RAP1GAP2: variants seen among roughly 807,000 people sequenced by gnomAD.
The protein encoded by RAP1GAP2 is RAP1 GTPase activating protein 2.
In RAP1GAP2, 27 loss-of-function variants were observed where a neutral mutation model predicts 95.0. The observed-to-expected ratio is 0.28, with a 90% CI of 0.21 to 0.39. The LOEUF is 0.39. Among genes scored for constraint, RAP1GAP2 ranks in the 10% least tolerant of loss-of-function variants. RAP1GAP2 has a pLI of 1.00. For missense variants in RAP1GAP2, 771 were observed against 970.0 expected, an observed-to-expected ratio of 0.79 and a Z score of 2.72; for synonymous variants, 373 against 380.9, an observed-to-expected ratio of 0.98 and a Z score of 0.24.
chr17:2,872,288 G>A (rs1040874054), intron 2 of RAP1GAP2, among the ~76,000 whole-genome samples: 1 of 147,076 alleles, frequency 6.8e-6, no homozygotes, highest in Admixed American at 6.8e-5. Flanking sequence ...AGAAAGACGA[G>A]TTCTCCAAAA....
At chr17:2,765,205 G>A (rs1176557250) in intron 1 of RAP1GAP2, among the ~76,000 whole-genome samples, 8 of 152,142 alleles carry the variant, frequency 5.3e-5, no homozygotes, top group Admixed American at 3.3e-4. Context: ...AGATGGCTCC[G>A]CAGCCAGCCA....
At chr17:2,907,126 G>A (rs994330067) in intron 3 of RAP1GAP2, among the ~76,000 whole-genome samples, 1 of 152,162 alleles carries the variant, frequency 6.6e-6, no homozygotes, top group Non-Finnish European at 1.5e-5. Context: ...AAAGTCCCAG[G>A]GAAGAAGCTC....
chr17:2,800,372 C>T (rs1045466801), intron 1 of RAP1GAP2, 143 bp from the exon 2 acceptor site: 45 of 1,273,644 alleles, frequency 3.5e-5, no homozygotes, highest in Non-Finnish European at 4.4e-5. Flanking sequence ...CCCCTGCTAG[C>T]GGAGAACTGG....
At chr17:2,951,516 C>T (rs530945002) in intron 3 of RAP1GAP2, among the ~76,000 whole-genome samples, 1 of 151,950 alleles carries the variant, frequency 6.6e-6, no homozygotes, top group African/African-American at 2.4e-5. Context: ...CTCAGGAGTT[C>T]AAAACCAGCC....
chr17:2,774,353 G>T (rs966831921), upstream of RAP1GAP2, among the ~76,000 whole-genome samples: 2 of 152,108 alleles, frequency 1.3e-5, no homozygotes, highest in African/African-American at 4.8e-5. Flanking sequence ...GGCATGGATT[G>T]AATGCCGTTC....
At chr17:2,851,726 C>T (rs1263838134) in intron 2 of RAP1GAP2, among the ~76,000 whole-genome samples, 4 of 152,182 alleles carry the variant, frequency 2.6e-5, no homozygotes, top group Non-Finnish European at 4.4e-5. Flanking sequence ...GTGCCTTCAT[C>T]ATCCCAATTC....
chr17:2,845,136 T>G (rs2151579519), intron 2 of RAP1GAP2, among the ~76,000 whole-genome samples: 1 of 152,256 alleles, frequency 6.6e-6, no homozygotes, highest in Non-Finnish European at 1.5e-5. Flanking sequence ...TGCCTCAGTC[T>G]TTTTTTGTTG....
At chr17:2,846,945 A>C (rs1194303068) in intron 2 of RAP1GAP2, among the ~76,000 whole-genome samples, 1 of 150,856 alleles carries the variant, frequency 6.6e-6, no homozygotes, top group Non-Finnish European at 1.5e-5. Flanking sequence ...GTTGATAATA[A>C]TGGTAGTGTT....
intron 22 of RAP1GAP2, among the ~76,000 whole-genome samples, chr17:3,028,611 C>A (rs751316691): frequency 3.3e-5 from 5 of 152,128 alleles, no homozygotes; most frequent in African/African-American, 4.8e-5. Context: ...AAGGGAAGAT[C>A]GTGATTCCAC....
chr17:2,800,331 C>G, intron 1 of RAP1GAP2, 184 bp from the exon 2 acceptor site: 1 of 782,846 alleles, frequency 1.3e-6, no homozygotes, highest in African/African-American at 1.9e-5. Flanking sequence ...GTGTGTGGCC[C>G]CAGCTCTCCC....
intron 2 of RAP1GAP2, among the ~76,000 whole-genome samples, chr17:2,837,768 G>A (rs994366446): frequency 6.6e-6 from 1 of 151,192 alleles, no homozygotes; most frequent in Non-Finnish European, 1.5e-5. Flanking sequence ...CACCATGTCC[G>A]GCTATTTTTT....
At chr17:2,957,681 A>G in intron 3 of RAP1GAP2, 78 bp from the exon 4 acceptor site, 1 of 1,430,954 alleles carries the variant, frequency 7.0e-7, no homozygotes, top group Non-Finnish European at 9.6e-7. Flanking sequence ...GCTTCCTGAT[A>G]GTTGGTGAGG....
At chr17:2,770,848 C>T (rs2068376717) in intron 2 of RAP1GAP2, among the ~76,000 whole-genome samples, 1 of 152,054 alleles carries the variant, frequency 6.6e-6, no homozygotes, top group East Asian at 1.9e-4. Flanking sequence ...CAAGAGCAGC[C>T]TGGCCAACAT....
In RAP1GAP2 at chr17:3,035,971, G is replaced by A. The variant is rs775018084; in HGVS notation, c.*2610G>A. On this transcript the variant is annotated 3_prime_UTR_variant, in exon 25 of 25. Transcript: ENST00000254695. The surrounding 1 kb of genome is among the most constrained non-coding windows in gnomAD (Gnocchi z 4.3). ...GAGGCATTTCCACTGTGATCTCCACGAGGGGATGTTTTCCGGGACACATCT... is the reference window on the plus strand; with the variant it reads ...GAGGCATTTCCACTGTGATCTCCACAAGGGGATGTTTTCCGGGACACATCT... The A allele has an allele frequency of 9.2e-5, 14 of 152,244 alleles. No individual in the cohort carries two copies. The highest frequency in any genetic ancestry group is 1.9e-4 in the Non-Finnish European group (13 of 68,064). The allele number at this position is 152,244 out of a possible 1,614,324, so 9.4% of individuals were successfully genotyped here.
chr17:2,805,869 A>G (rs2069495019), intron 2 of RAP1GAP2, among the ~76,000 whole-genome samples: 1 of 152,144 alleles, frequency 6.6e-6, no homozygotes, highest in South Asian at 2.1e-4. Flanking sequence ...TGAATGGTTC[A>G]GGGTAGCCTG....
At chr17:2,832,437 A>G (rs1167211148) in intron 2 of RAP1GAP2, among the ~76,000 whole-genome samples, 1 of 150,410 alleles carries the variant, frequency 6.6e-6, no homozygotes, top group African/African-American at 2.4e-5. Flanking sequence ...GGGCACCTGT[A>G]GTCCCAGCTA....
intron 13 of RAP1GAP2, among the ~76,000 whole-genome samples, chr17:2,997,922 C>CAA (rs1313908992): frequency 0.13 from 8,538 of 67,486 alleles, 356 homozygotes; most frequent in East Asian, 0.29. Context: ...GACCCTGTCT[C>CAA]AAAAAAAAAA....
Position 2,981,183 on chromosome 17 carries a change from C to T in RAP1GAP2, c.676-12C>T, listed in dbSNP as rs764912773. 2.5e-6 allele frequency: 4 copies of T among 1,611,268 alleles called. No homozygotes were observed. The African/African-American group carries it at 5.3e-5, about 22-fold the overall frequency. On this transcript the variant is annotated splice_polypyrimidine_tract_variant and intron_variant, in intron 9 of 24. Coordinates refer to ENST00000254695, the MANE Select transcript of RAP1GAP2 (RefSeq NM_015085.5). ...TATCATCCCTGACCTGCGTCTTCTT[C>T]TCCCTTCTCAGGCTTTCTGTGATGA...
intron 2 of RAP1GAP2, chr17:2,770,470 C>T (rs915702532): frequency 2.5e-6 from 1 of 398,610 alleles, no homozygotes. Flanking sequence ...TGCCTTGACC[C>T]TCACATTCTT....
Sources: gnomAD v4.1 joint callset for allele counts (sites outside exome capture counted in the v4.1 genomes callset) on GRCh38, gnomAD v4.1.1 for gene constraint, Gnocchi (gnomAD v3.1) non-coding constraint, MANE v1.5 for transcripts, NCBI Gene and HGNC (gene_info 2026-07-23, HGNC 2026-07-21) for gene names.